Variants in ADAMTS17 observed in about 807,000 individuals in gnomAD.
ADAMTS17 encodes the protein A disintegrin and metalloproteinase with thrombospondin motifs 17.
A neutral mutation model predicts 141.5 loss-of-function variants in ADAMTS17; 113 were observed. The ratio of observed to expected loss-of-function variants is 0.80; its 90% CI spans 0.69 to 0.93. ADAMTS17 has a LOEUF of 0.93. Ranked by LOEUF, ADAMTS17 falls within the 40% of genes least tolerant of loss-of-function variation. The pLI is 0.00. For missense variants in ADAMTS17, 1,659 were observed against 1,517.9 expected, an observed-to-expected ratio of 1.09 and a Z score of -1.54; for synonymous variants, 768 against 630.6, an observed-to-expected ratio of 1.22 and a Z score of -3.27.
intron 16 of ADAMTS17, among the ~76,000 whole-genome samples, chr15:100,052,114 G>A (rs1276897283): frequency 1.3e-5 from 2 of 152,230 alleles, no homozygotes; most frequent in East Asian, 3.8e-4. Flanking sequence ...CTTGCAGACA[G>A]GAAAGACACA....
At chr15:100,168,439 T>TA (rs2040033769) in intron 8 of ADAMTS17, 1 of 152,230 alleles carries the variant, frequency 6.6e-6, no homozygotes, top group Non-Finnish European at 1.5e-5. Context: ...TTGGTGAGAA[T>TA]AAGAATATGC....
chr15:100,109,101 A>G lies in ADAMTS17; in HGVS notation c.1904T>C (p.Leu635Pro), dbSNP rs753237493. ...CTCCTTCCCGAGGGGCGAGCAGTAG[A>G]GTTCACATGGCTTATCTGAGGAGGG... ...AVVVDDKPCE[L>P]YCSPLGKESP... Residue 635 changes from leucine (L) to proline (P), a missense_variant, in exon 14 of 22, where the codon CTC (leucine) becomes CCC (proline). Transcript: ENST00000268070. 5.6e-6 allele frequency: 9 copies of G among 1,613,110 alleles called. No homozygotes were observed. The highest frequency in any genetic ancestry group is 7.6e-6 in the Non-Finnish European group (9 of 1,179,580).
chr15:100,167,448 T>G (rs1287276024), intron 8 of ADAMTS17, among the ~76,000 whole-genome samples: 3 of 152,146 alleles, frequency 2.0e-5, no homozygotes, highest in Non-Finnish European at 4.4e-5. Context: ...GATGCCGTCA[T>G]CCGTGAAAAC....
Position 100,090,851 on chromosome 15 carries a change from A to G in ADAMTS17, c.2137+5505T>C, listed in dbSNP as rs182322782. Among the ~76,000 whole-genome samples the G allele has an allele frequency of 2.4e-5, 3 of 126,478 alleles. No homozygotes were observed. In the East Asian group the frequency reaches 6.5e-4, roughly 27 times the overall value. The allele number at this position is 126,478 out of a possible 152,430, so 83.0% of individuals were successfully genotyped here. On this transcript the variant is annotated intron_variant, in intron 15 of 21. Coordinates refer to ENST00000268070, the MANE Select transcript of ADAMTS17 (RefSeq NM_139057.4). ...TGAAACCCCATCTCTACTAAATAAT[A>G]CAAAAAATTAGCCAGGTTTGGTGGT...
chr15:100,060,592 G>T (rs78603133), intron 15 of ADAMTS17, among the ~76,000 whole-genome samples: 2,045 of 152,300 alleles, frequency 0.013, 40 homozygotes, highest in African/African-American at 0.045. Context: ...ACAGAAGCCC[G>T]AGTGGGGTTC....
intron 18 of ADAMTS17, among the ~76,000 whole-genome samples, chr15:100,015,374 C>G (rs561096629): frequency 5.9e-5 from 9 of 152,212 alleles, no homozygotes; most frequent in African/African-American, 1.7e-4. Context: ...GGTACCGTTG[C>G]ATTTGTCATG....
At chr15:99,991,823 C>T in intron 20 of ADAMTS17, among the ~76,000 whole-genome samples, 1 of 152,068 alleles carries the variant, frequency 6.6e-6, no homozygotes, top group East Asian at 1.9e-4. Flanking sequence ...ACATATATAC[C>T]ACGGAATACT....
intron 12 of ADAMTS17, among the ~76,000 whole-genome samples, chr15:100,125,344 G>A (rs2037675559): frequency 6.6e-6 from 1 of 152,196 alleles, no homozygotes; most frequent in African/African-American, 2.4e-5. Flanking sequence ...ATGCCAGATC[G>A]CTGGCACATG....
At chr15:100,281,172 T>C in intron 4 of ADAMTS17, 57 bp downstream of exon 4, 4 of 1,595,378 alleles carry the variant, frequency 2.5e-6, no homozygotes, top group South Asian at 2.2e-5. Flanking sequence ...TGCTTCCAGA[T>C]CTCTCATCAA....
At chr15:100,332,412 T>C (rs2046082046) in intron 2 of ADAMTS17, among the ~76,000 whole-genome samples, 1 of 152,162 alleles carries the variant, frequency 6.6e-6, no homozygotes. Context: ...TACGGCACAG[T>C]GCCTGGGATG....
chr15:100,127,393 G>A (rs1247970153), intron 12 of ADAMTS17, among the ~76,000 whole-genome samples: 1 of 152,090 alleles, frequency 6.6e-6, no homozygotes, highest in Non-Finnish European at 1.5e-5. Context: ...CTCCAAGCCA[G>A]GGGAGGCCAA....
chr15:100,099,020 C>A (rs1289716300), intron 14 of ADAMTS17, among the ~76,000 whole-genome samples: 2 of 152,224 alleles, frequency 1.3e-5, no homozygotes, highest in Admixed American at 6.5e-5. Context: ...GGCCTGGTTC[C>A]TTGTCCTGCA....
chr15:100,147,172 C>T (rs1014955067), intron 10 of ADAMTS17, among the ~76,000 whole-genome samples: 4 of 152,070 alleles, frequency 2.6e-5, no homozygotes, highest in South Asian at 2.1e-4. Context: ...TGGAACCTAC[C>T]GAGATGTGAT....
At chr15:100,034,055 C>A (rs1036702865) in intron 18 of ADAMTS17, among the ~76,000 whole-genome samples, 21 of 152,240 alleles carry the variant, frequency 1.4e-4, no homozygotes, top group African/African-American at 5.1e-4. Flanking sequence ...AAGAGGTTGG[C>A]TGTGTTTACT....
chr15:100,116,609 G>A (rs1041477386), intron 13 of ADAMTS17, among the ~76,000 whole-genome samples: 98 of 152,344 alleles, frequency 6.4e-4, no homozygotes, highest in African/African-American at 1.9e-3. Flanking sequence ...GGGGTTGCAG[G>A]ATGCACCTGG....
chr15:100,063,543 G>A (rs943698047), intron 15 of ADAMTS17: 2 of 652,696 alleles, frequency 3.1e-6, no homozygotes, highest in African/African-American at 3.7e-5. Flanking sequence ...GGTCCCCTCT[G>A]GGTGCTCATG....
In ADAMTS17 at chr15:100,223,670, GAC is replaced by G. The variant is rs750147763; in HGVS notation, c.1076-24249_1076-24248del. ...AGAACTTCACACACACACACCCACAGACACACACACATATATGTGTATATATA... is the reference window on the plus strand; with the variant it reads ...AGAACTTCACACACACACACCCACAGACACACACATATATGTGTATATATA... On this transcript the variant is annotated intron_variant, in intron 7 of 21. Transcript: ENST00000268070. Among the ~76,000 whole-genome samples the G allele has an allele frequency of 1.0e-3, 156 of 150,350 alleles. 1 individual carries two copies. The South Asian group carries it at 0.024, about 23-fold the overall frequency.
chr15:100,209,821 G>A (rs1346519020), intron 7 of ADAMTS17, among the ~76,000 whole-genome samples: 1 of 152,174 alleles, frequency 6.6e-6, no homozygotes, highest in Non-Finnish European at 1.5e-5. Context: ...CCTGTTCCAT[G>A]CTTATGGAGG....
chr15:100,182,638 G>T (rs148870215), intron 8 of ADAMTS17, among the ~76,000 whole-genome samples: 1 of 152,180 alleles, frequency 6.6e-6, no homozygotes, highest in African/African-American at 2.4e-5. Context: ...TACTGTGAGT[G>T]CTCACTTGAT....
Sources: allele counts gnomAD v4.1 joint callset (sites outside exome capture counted in the v4.1 genomes callset), GRCh38; gene constraint gnomAD v4.1.1; transcripts MANE v1.5; gene names NCBI Gene and HGNC (gene_info 2026-07-23, HGNC 2026-07-21).